The following STK17A variants were observed in gnomAD, a reference collection of about 807,000 sequenced individuals.
STK17A encodes serine/threonine kinase 17a.
In STK17A, 26 loss-of-function variants were observed where a neutral mutation model predicts 43.7. The observed-to-expected ratio is 0.60, with a 90% CI of 0.44 to 0.83. The LOEUF is 0.83. STK17A is among the 40% of genes least tolerant of loss of function. The pLI, the probability that STK17A is intolerant of heterozygous loss-of-function variation, is 0.00. For synonymous variants in STK17A, 191 were observed against 182.5 expected (o/e 1.05, Z -0.38); for missense variants, 476 against 511.6 (o/e 0.93, Z 0.67).
chr7:43,616,227 A>G (rs2083329195), intron 3 of STK17A, among the ~76,000 whole-genome samples: 1 of 152,188 alleles, frequency 6.6e-6, no homozygotes, highest in Non-Finnish European at 1.5e-5. Context: ...AGCACTTTGT[A>G]TATATTGCTT....
intron 1 of STK17A, among the ~76,000 whole-genome samples, chr7:43,586,416 A>G (rs1049854232): frequency 6.6e-6 from 1 of 151,608 alleles, no homozygotes. Context: ...CATGTCTCCA[A>G]CAGAGTCCAT....
Position 43,591,249 on chromosome 7 carries a change from A to T in STK17A, c.207-4652A>T, listed in dbSNP as rs561002601. On this transcript the variant is annotated intron_variant, in intron 1 of 6. Transcript: ENST00000319357. ...TTTGAAAGCCTTGCAAGCTGTTTTT[A>T]CATTTTTTATGTTTTACATTTTTTA... 3.9e-3 allele frequency among the ~76,000 whole-genome samples: 585 copies of T among 151,724 alleles called. 23 individuals are homozygous for T. The highest frequency in any genetic ancestry group is 7.5e-3 in the South Asian group (36 of 4,830).
intron 2 of STK17A, among the ~76,000 whole-genome samples, chr7:43,603,224 T>G (rs887118179): frequency 4.6e-5 from 7 of 152,008 alleles, no homozygotes; most frequent in African/African-American, 1.7e-4. Flanking sequence ...GATGATCAGG[T>G]TTTTTTTAGA....
intron 1 of STK17A, among the ~76,000 whole-genome samples, chr7:43,585,670 A>G (rs909287250): frequency 2.0e-5 from 3 of 151,550 alleles, no homozygotes; most frequent in Admixed American, 1.3e-4. Flanking sequence ...ACAGTGTGAG[A>G]TTGAATCTTG....
intron 1 of STK17A, among the ~76,000 whole-genome samples, chr7:43,584,470 A>C (rs906043821): frequency 5.9e-5 from 9 of 152,192 alleles, no homozygotes; most frequent in African/African-American, 1.9e-4. Flanking sequence ...GGCTTGCCAC[A>C]TGGCGTTCAG....
At chr7:43,585,943 A>G (rs979963386) in intron 1 of STK17A, among the ~76,000 whole-genome samples, 12 of 151,794 alleles carry the variant, frequency 7.9e-5, no homozygotes, top group African/African-American at 2.2e-4. Context: ...AGTCTCAGGA[A>G]GGAAAAGTTC....
intron 1 of STK17A, among the ~76,000 whole-genome samples, chr7:43,584,191 G>A (rs2082423615): frequency 6.6e-6 from 1 of 152,222 alleles, no homozygotes; most frequent in Non-Finnish European, 1.5e-5. Context: ...CTGTTCGGAT[G>A]CTTTACATTT....
In STK17A at chr7:43,625,804, T is replaced by G. The variant is rs1167376073; in HGVS notation, c.*962T>G. 1.3e-5 allele frequency: 2 copies of G among 151,502 alleles called. No individual in the cohort carries two copies. Among genetic ancestry groups the G allele is most frequent in the African/African-American group, 4.8e-5 (2 of 41,386 alleles). The allele number at this position is 151,502 out of a possible 1,614,324, so 9.4% of individuals were successfully genotyped here. Reference sequence around the variant, plus strand: ...GTCTTCATGCCAACCACAGCCTGTTTCTGCTGAGTTTCTTATCAGCCCTCA... The same window carrying G: ...GTCTTCATGCCAACCACAGCCTGTTGCTGCTGAGTTTCTTATCAGCCCTCA... On this transcript the variant is annotated 3_prime_UTR_variant, in exon 7 of 7. Transcript: ENST00000319357.
intron 1 of STK17A, among the ~76,000 whole-genome samples, chr7:43,584,635 C>A (rs1344235685): frequency 6.6e-6 from 1 of 151,638 alleles, no homozygotes; most frequent in Admixed American, 6.6e-5. Context: ...CACTGCCTTA[C>A]ACATATTAAG....
At chr7:43,589,972 G>C (rs1583546713) in intron 1 of STK17A, among the ~76,000 whole-genome samples, 1 of 91,040 alleles carries the variant, frequency 1.1e-5, no homozygotes, top group Admixed American at 1.2e-4. Context: ...TATTTTATTT[G>C]AGACAGGGTC....
chr7:43,613,350 C>G (rs1407470755), intron 3 of STK17A, among the ~76,000 whole-genome samples: 2 of 152,024 alleles, frequency 1.3e-5, no homozygotes, highest in African/African-American at 2.4e-5. Flanking sequence ...TCTGAGTAAC[C>G]TAGAGATGAT....
intron 3 of STK17A, among the ~76,000 whole-genome samples, chr7:43,617,311 T>G (rs1446204015): frequency 1.3e-5 from 2 of 152,160 alleles, no homozygotes; most frequent in African/African-American, 4.8e-5. Context: ...CAAAAGAACC[T>G]TCTGGCTTCA....
intron 3 of STK17A, 137 bp downstream of exon 3, chr7:43,608,537 C>G (rs571553932): frequency 1.0e-6 from 1 of 990,468 alleles, no homozygotes; most frequent in African/African-American, 1.6e-5. Flanking sequence ...AGTCTTTACT[C>G]CTATCCTCTA....
chr7:43,587,216 G>A (rs966607734), intron 1 of STK17A, among the ~76,000 whole-genome samples: 18 of 142,288 alleles, frequency 1.3e-4, no homozygotes, highest in African/African-American at 3.6e-4. Context: ...GTGCAGTGGC[G>A]CGATCTCAGC....
intron 4 of STK17A, chr7:43,622,582 GAGT>G (rs2084019736): frequency 1.3e-5 from 2 of 152,052 alleles, no homozygotes; most frequent in African/African-American, 4.8e-5. Context: ...AGTGGATTGT[GAGT>G]AGATTTTTTT....
At chr7:43,592,516 C>T (rs2082486719) in intron 1 of STK17A, among the ~76,000 whole-genome samples, 1 of 151,910 alleles carries the variant, frequency 6.6e-6, no homozygotes, top group South Asian at 2.1e-4. Context: ...AAAATTATGT[C>T]AGTAGTCTAG....
intron 2 of STK17A, among the ~76,000 whole-genome samples, chr7:43,607,841 AAC>A (rs943203173): frequency 2.6e-5 from 4 of 152,210 alleles, no homozygotes; most frequent in African/African-American, 9.6e-5. Flanking sequence ...TCAATTGAGG[AAC>A]ACAGTTCTGT....
chr7:43,625,317 AT>A lies in STK17A; in HGVS notation c.*479del, dbSNP rs1353717366. 6.6e-6 allele frequency: 1 copy of A among 152,516 alleles called. No individual in the cohort carries two copies. Among genetic ancestry groups the A allele is most frequent in the Admixed American group, 6.5e-5 (1 of 15,302 alleles). 9.4% of individuals were successfully genotyped at this position (152,516 alleles called of 1,614,324 possible). On this transcript the variant is annotated 3_prime_UTR_variant, in exon 7 of 7. Coordinates refer to ENST00000319357, the MANE Select transcript of STK17A (RefSeq NM_004760.3). ...AATTTTAGTCTAAACAGACATCTAA[AT>A]TTTCGAGACTTAGAATAACATTCAC...
chr7:43,583,503 G>A, intron 1 of STK17A, 54 bp downstream of exon 1: 2 of 1,243,658 alleles, frequency 1.6e-6, no homozygotes, highest in Middle Eastern at 3.1e-4. Context: ...GGGGCGGGAC[G>A]TGGGCGCCGA....
Sources: gnomAD v4.1 joint callset for allele counts (sites outside exome capture counted in the v4.1 genomes callset) on GRCh38, gnomAD v4.1.1 for gene constraint, MANE v1.5 for transcripts, NCBI Gene and HGNC (gene_info 2026-07-23, HGNC 2026-07-21) for gene names.